The following CAMK1D variants were observed in gnomAD, a reference collection of about 807,000 sequenced individuals.
CAMK1D encodes calcium/calmodulin dependent protein kinase ID.
CAMK1D carries 9 observed loss-of-function variants against 47.7 expected under a neutral mutation model. The ratio of observed to expected loss-of-function variants is 0.19; its 90% CI spans 0.11 to 0.33. CAMK1D has a LOEUF of 0.33. CAMK1D is among the 10% of genes least tolerant of loss of function. The pLI is 1.00. For synonymous variants in CAMK1D, 184 were observed against 184.9 expected (o/e 0.99, Z 0.04); for missense variants, 291 against 488.7 (o/e 0.60, Z 3.81).
intron 1 of CAMK1D, among the ~76,000 whole-genome samples, chr10:12,532,327 T>C (rs982484863): frequency 6.6e-6 from 1 of 151,572 alleles, no homozygotes; most frequent in African/African-American, 2.4e-5. Flanking sequence ...TCGCCCAGGC[T>C]GGAGTGCAGT....
intron 1 of CAMK1D, among the ~76,000 whole-genome samples, chr10:12,392,745 G>A (rs775743647): frequency 6.6e-6 from 1 of 151,968 alleles, no homozygotes; most frequent in African/African-American, 2.4e-5. Context: ...TAGATCTCTC[G>A]AACTTTTTCC....
At chr10:12,826,069 G>A (rs549380013) in intron 10 of CAMK1D, 6 of 211,942 alleles carry the variant, frequency 2.8e-5, no homozygotes, top group Admixed American at 5.3e-5. Flanking sequence ...CCCAGGAAGC[G>A]GAGGTTGCAA....
chr10:12,509,418 T>G (rs1266508612), intron 1 of CAMK1D, among the ~76,000 whole-genome samples: 1 of 152,236 alleles, frequency 6.6e-6, no homozygotes, highest in East Asian at 1.9e-4. Context: ...TGCCACTCTT[T>G]TCTGCCAGAA....
intron 1 of CAMK1D, among the ~76,000 whole-genome samples, chr10:12,541,587 C>A (rs766569311): frequency 1.2e-4 from 19 of 152,088 alleles, no homozygotes; most frequent in Non-Finnish European, 2.5e-4. Context: ...TCTCGAACTC[C>A]TGAGCTTGTG....
rs1274587886 is a variant in CAMK1D, at chr10:12,808,442, C to A, written c.642-5753C>A. Among the ~76,000 whole-genome samples, 4 of 152,270 alleles carry A rather than the reference C, an allele frequency of 2.6e-5. No individual in the cohort carries two copies. The South Asian group carries it at 6.2e-4, about 24-fold the overall frequency. On this transcript the variant is annotated intron_variant, in intron 6 of 10. Coordinates refer to ENST00000619168, the MANE Select transcript of CAMK1D (RefSeq NM_153498.4). ...ATACCTCCTCCTGGCCTAGGTAGGC[C>A]TACGTAGGCCAGGAGGCACCAAGTG...
chr10:12,624,833 C>T (rs576054959), intron 2 of CAMK1D, among the ~76,000 whole-genome samples: 178 of 152,246 alleles, frequency 1.2e-3, no homozygotes, highest in South Asian at 2.5e-3. Flanking sequence ...ACTCCTTTTA[C>T]GGTTGTTGTG....
At chr10:12,632,851 C>T (rs570531079) in intron 2 of CAMK1D, among the ~76,000 whole-genome samples, 7 of 152,222 alleles carry the variant, frequency 4.6e-5, no homozygotes, top group Middle Eastern at 3.4e-3. Flanking sequence ...CGCACCACCA[C>T]GCCCAGCTAA....
At chr10:12,804,597 CAAAT>C (rs56342576) in intron 6 of CAMK1D, among the ~76,000 whole-genome samples, 147,654 of 148,906 alleles carry the variant, frequency 0.99, 73,211 homozygotes, top group Middle Eastern at 1. Context: ...GACTCCGTCT[CAAAT>C]AAATAAATAA....
chr10:12,684,759 T>C (rs1284165786), intron 3 of CAMK1D, among the ~76,000 whole-genome samples: 1 of 149,474 alleles, frequency 6.7e-6, no homozygotes, highest in Non-Finnish European at 1.5e-5. Context: ...AGAGAATATA[T>C]TCAGAAGATG....
At chr10:12,424,667 G>T (rs1445630696) in intron 1 of CAMK1D, among the ~76,000 whole-genome samples, 2 of 152,166 alleles carry the variant, frequency 1.3e-5, no homozygotes, top group African/African-American at 4.8e-5. Flanking sequence ...ATCAGGGCTG[G>T]CTGTGGTGGC....
intron 1 of CAMK1D, among the ~76,000 whole-genome samples, chr10:12,484,135 G>A (rs148437270): frequency 2.6e-5 from 4 of 152,330 alleles, no homozygotes; most frequent in South Asian, 4.1e-4. Flanking sequence ...GCATCCAAGT[G>A]TCTGTCACCC....
intron 1 of CAMK1D, among the ~76,000 whole-genome samples, chr10:12,405,808 G>A (rs113295344): frequency 1.4e-4 from 21 of 152,146 alleles, no homozygotes; most frequent in Non-Finnish European, 2.4e-4. Context: ...ATTGGCATGC[G>A]TTGTTAAACA....
chr10:12,638,214 C>T (rs1395686110), intron 2 of CAMK1D, among the ~76,000 whole-genome samples: 1 of 152,166 alleles, frequency 6.6e-6, no homozygotes, highest in Non-Finnish European at 1.5e-5. Context: ...TTTCTGTTTG[C>T]CTCGTGTGCA....
rs28393490 is a variant in CAMK1D at position 12,372,099 on chromosome 10, G to A, written c.92+22189G>A. 9.2e-3 allele frequency among the ~76,000 whole-genome samples: 1,407 copies of A among 152,310 alleles called. 21 individuals are homozygous for A. Among genetic ancestry groups the A allele is most frequent in the African/African-American group, 0.032 (1,311 of 41,556 alleles). On this transcript the variant is annotated intron_variant, in intron 1 of 10. Coordinates refer to ENST00000619168, the MANE Select transcript of CAMK1D (RefSeq NM_153498.4). Reference sequence around the variant, plus strand: ...CCATCACATGCTGTACAGGTTGGCAGTCTAGGAGCAGTAGCTGTATCATCT... The same window carrying A: ...CCATCACATGCTGTACAGGTTGGCAATCTAGGAGCAGTAGCTGTATCATCT...
intron 1 of CAMK1D, among the ~76,000 whole-genome samples, chr10:12,541,517 C>G (rs959503852): frequency 6.6e-6 from 1 of 152,130 alleles, no homozygotes; most frequent in Admixed American, 6.5e-5. Context: ...GCGTGTGCCA[C>G]CACGCCTGGC....
chr10:12,558,846 CTT>C (rs1043516970), intron 2 of CAMK1D, among the ~76,000 whole-genome samples: 12 of 152,132 alleles, frequency 7.9e-5, no homozygotes, highest in African/African-American at 2.4e-4. Flanking sequence ...CAGAGATTGT[CTT>C]GCCTTGGGGA....
At chr10:12,456,282 C>G (rs1010212729) in intron 1 of CAMK1D, among the ~76,000 whole-genome samples, 2 of 152,096 alleles carry the variant, frequency 1.3e-5, no homozygotes, top group African/African-American at 4.8e-5. Flanking sequence ...TTTAGAATTC[C>G]TGAATGCTCT....
chr10:12,526,828 G>A (rs901328978), intron 1 of CAMK1D, among the ~76,000 whole-genome samples: 1 of 149,664 alleles, frequency 6.7e-6, no homozygotes. Context: ...TGAGGCAGGA[G>A]GATCAATTGA....
intron 4 of CAMK1D, among the ~76,000 whole-genome samples, chr10:12,767,546 A>G (rs949051344): frequency 6.6e-6 from 1 of 152,142 alleles, no homozygotes; most frequent in African/African-American, 2.4e-5. Flanking sequence ...GCCTCAAGAG[A>G]TCCTGATGAC....
Sources: allele counts gnomAD v4.1 joint callset (sites outside exome capture counted in the v4.1 genomes callset), GRCh38; gene constraint gnomAD v4.1.1; transcripts MANE v1.5; gene names NCBI Gene and HGNC (gene_info 2026-07-23, HGNC 2026-07-21).